Variants in PAM observed in about 807,000 individuals in gnomAD.
The protein encoded by PAM is peptidylglycine alpha-amidating monooxygenase.
Under a neutral mutation model 122.1 loss-of-function variants are expected in PAM, and 72 were observed. That is an observed-to-expected ratio of 0.59 (90% CI 0.49 to 0.72). The LOEUF is 0.72. PAM is among the 30% of genes least tolerant of loss of function. The probability of loss-of-function intolerance (pLI) is 0.00; values close to 1 mark genes in which losing one functional copy is unlikely to be tolerated. For synonymous variants in PAM, 389 were observed against 404.4 expected, an observed-to-expected ratio of 0.96 and a Z score of 0.46; for missense variants, 1,106 against 1,183.7, an observed-to-expected ratio of 0.93 and a Z score of 0.96.
chr5:102,901,430 T>A lies in PAM; in HGVS notation c.268+17T>A, dbSNP rs769628409. 1.0e-5 allele frequency: 15 copies of A among 1,453,194 alleles called. No homozygotes were observed. The Admixed American group carries it at 1.2e-4, about 11-fold the overall frequency. 90.0% of individuals were successfully genotyped at this position (1,453,194 alleles called of 1,614,324 possible). A position where few individuals can be genotyped will look rare whatever the true frequency, so the allele number is the denominator to read the frequency against. On this transcript the variant is annotated intron_variant, in intron 4 of 25. Coordinates refer to ENST00000438793, the MANE Select transcript of PAM (RefSeq NM_001177306.2). ...CCTTCGTGAGTAAGTATTAATTGGA[T>A]TGGGGGAGTAGCAGTTTAATGGAGG...
intron 1 of PAM, among the ~76,000 whole-genome samples, chr5:102,852,124 T>C (rs895399320): frequency 2.0e-5 from 3 of 152,224 alleles, no homozygotes; most frequent in Non-Finnish European, 4.4e-5. Context: ...CCAGCCATTA[T>C]GATGGTGGAA....
At chr5:102,776,506 T>G (rs540462553) in intron 1 of PAM, among the ~76,000 whole-genome samples, 1 of 152,256 alleles carries the variant, frequency 6.6e-6, no homozygotes, top group Non-Finnish European at 1.5e-5. Flanking sequence ...TTGAGTTAAT[T>G]TTTATATAAG....
chr5:102,820,394 T>C lies in PAM; in HGVS notation c.-373-45429T>C, dbSNP rs191817193. Among the ~76,000 whole-genome samples, 24 of 152,300 alleles carry C rather than the reference T, an allele frequency of 1.6e-4. No individual in the cohort carries two copies. The East Asian group carries it at 3.5e-3, about 22-fold the overall frequency. ...GAATATGCTCATTTTAAAATTTTTA[T>C]AACTGTTAGATTATGATAAATGGTA... On this transcript the variant is annotated intron_variant, in intron 1 of 25. Coordinates refer to ENST00000438793, the MANE Select transcript of PAM (RefSeq NM_001177306.2).
intron 1 of PAM, among the ~76,000 whole-genome samples, chr5:102,772,078 C>T (rs1048553040): frequency 4.0e-4 from 61 of 152,064 alleles, no homozygotes; most frequent in African/African-American, 1.2e-3. Flanking sequence ...TACTGAAAAA[C>T]GCTCTGAGTG....
intron 20 of PAM, 29 bp from the exon 21 acceptor site, chr5:103,009,722 A>G: frequency 1.7e-6 from 2 of 1,184,212 alleles, no homozygotes. Context: ...CATATTTTAA[A>G]GAAAGGTTAA....
At chr5:102,946,074 A>C (rs999770108) in intron 7 of PAM, among the ~76,000 whole-genome samples, 12 of 152,196 alleles carry the variant, frequency 7.9e-5, no homozygotes, top group African/African-American at 2.9e-4. Context: ...GAGGTTATGG[A>C]AATAATAATG....
intron 15 of PAM, among the ~76,000 whole-genome samples, chr5:102,982,194 G>T (rs962284525): frequency 6.6e-6 from 1 of 152,108 alleles, no homozygotes; most frequent in Admixed American, 6.5e-5. Flanking sequence ...GGTCTGTCAA[G>T]CCTGCCATCA....
In PAM at chr5:103,007,354, A is replaced by G. The variant is rs186361749; in HGVS notation, c.2015-103A>G. The G allele has an allele frequency of 2.2e-4, 195 of 876,436 alleles. No individual in the cohort carries two copies. The African/African-American group carries it at 3.0e-3, about 13-fold the overall frequency. 54.3% of individuals were successfully genotyped at this position (876,436 alleles called of 1,614,324 possible). A position where few individuals can be genotyped will look rare whatever the true frequency, so the allele number is the denominator to read the frequency against. The stretch of plus-strand genomic sequence containing the variant: ...TTTACCTTATCTTTCCCCTGGCTCC[A>G]GGCATTTAATGGTTTACTATCATGA... On this transcript the variant is annotated intron_variant, in intron 19 of 25. Coordinates refer to ENST00000438793, the MANE Select transcript of PAM (RefSeq NM_001177306.2).
rs1039695718 is a variant in PAM at position 102,755,336 on chromosome 5, C to T, written c.-386C>T. 1 of 152,404 alleles carries T rather than the reference C, an allele frequency of 6.6e-6. No homozygotes were observed. The highest frequency in any genetic ancestry group is 2.1e-4 in the South Asian group (1 of 4,824). The allele number at this position is 152,404 out of a possible 1,614,324, so 9.4% of individuals were successfully genotyped here. ...TCCGGCTTCCGTCCCGGACAGAGCCCGTGGTCGCGCAGGTTGGTGTTGTTG... is the reference window on the plus strand; with the variant it reads ...TCCGGCTTCCGTCCCGGACAGAGCCTGTGGTCGCGCAGGTTGGTGTTGTTG... On this transcript the variant is annotated 5_prime_UTR_variant, in exon 1 of 26. Transcript: ENST00000438793.
At chr5:102,837,703 C>T (rs1230064837) in intron 1 of PAM, 1 of 152,112 alleles carries the variant, frequency 6.6e-6, no homozygotes, top group Non-Finnish European at 1.5e-5. Flanking sequence ...GGATGCTGAA[C>T]CATACTTAGA....
intron 4 of PAM, among the ~76,000 whole-genome samples, chr5:102,906,053 G>A (rs1362071211): frequency 1.3e-5 from 2 of 151,636 alleles, no homozygotes; most frequent in Non-Finnish European, 3.0e-5. Context: ...GAGTCTCAGA[G>A]TTTCTTAAAC....
At chr5:102,897,568 A>G (rs1338954819) in intron 3 of PAM, among the ~76,000 whole-genome samples, 1 of 151,714 alleles carries the variant, frequency 6.6e-6, no homozygotes. Context: ...ACCAGAGACC[A>G]TACTATACAC....
At chr5:103,003,694 T>C (rs1420124093) in intron 17 of PAM, among the ~76,000 whole-genome samples, 1 of 152,158 alleles carries the variant, frequency 6.6e-6, no homozygotes, top group African/African-American at 2.4e-5. Context: ...ATATTACATA[T>C]GTAATATATA....
chr5:102,756,366 C>T (rs382964), intron 1 of PAM, among the ~76,000 whole-genome samples: 69,059 of 151,980 alleles, frequency 0.45, 15,963 homozygotes, highest in African/African-American at 0.52. Context: ...TCCCTGTGTA[C>T]AAAGCTATGG....
chr5:102,763,241 T>C (rs1580764963), intron 1 of PAM, among the ~76,000 whole-genome samples: 2 of 152,330 alleles, frequency 1.3e-5, no homozygotes. Context: ...AGTCCTATTA[T>C]AGATTTTCAC....
At chr5:102,856,146 T>G (rs1329836885) in intron 1 of PAM, among the ~76,000 whole-genome samples, 1 of 152,184 alleles carries the variant, frequency 6.6e-6, no homozygotes, top group Non-Finnish European at 1.5e-5. Flanking sequence ...TAGGTTCTGC[T>G]GACTGACTTG....
chr5:102,831,279 A>G (rs1775361448), intron 1 of PAM, among the ~76,000 whole-genome samples: 1 of 152,172 alleles, frequency 6.6e-6, no homozygotes, highest in Non-Finnish European at 1.5e-5. Context: ...GACTTTTGAC[A>G]TTTTTATTAT....
chr5:102,960,927 G>T (rs1762303249), intron 13 of PAM, among the ~76,000 whole-genome samples: 1 of 135,254 alleles, frequency 7.4e-6, no homozygotes, highest in Non-Finnish European at 1.5e-5. Context: ...TTATTGAAAG[G>T]GTAGTTGACC....
chr5:102,768,393 C>T (rs141651645), intron 1 of PAM, among the ~76,000 whole-genome samples: 1 of 152,098 alleles, frequency 6.6e-6, no homozygotes, highest in Non-Finnish European at 1.5e-5. Flanking sequence ...TAATTATATT[C>T]TCATTGACTA....
Sources: gnomAD v4.1 joint callset for allele counts (sites outside exome capture counted in the v4.1 genomes callset) on GRCh38, gnomAD v4.1.1 for gene constraint, MANE v1.5 for transcripts, NCBI Gene and HGNC (gene_info 2026-07-23, HGNC 2026-07-21) for gene names.